ADAMTSL1: variants seen among roughly 807,000 people sequenced by gnomAD.
The protein encoded by ADAMTSL1 is ADAMTS-like protein 1.
ADAMTSL1 carries 126 observed loss-of-function variants against 201.8 expected under a neutral mutation model. That is an observed-to-expected ratio of 0.62 (90% confidence interval 0.54 to 0.72). ADAMTSL1 has a LOEUF of 0.72. Ranked by LOEUF, ADAMTSL1 falls within the 30% of genes least tolerant of loss-of-function variation. The pLI is 0.00. For synonymous variants in ADAMTSL1, 1,121 were observed against 903.4 expected (o/e 1.24, Z -4.32); for missense variants, 2,679 against 2,277.8 (o/e 1.18, Z -3.59).
chr9:18,369,646 G>T (rs1563917703), intron 2 of ADAMTSL1, among the ~76,000 whole-genome samples: 1 of 152,048 alleles, frequency 6.6e-6, no homozygotes, highest in African/African-American at 2.4e-5. Flanking sequence ...CAAAGGAAAA[G>T]AAATTATTGT....
intron 2 of ADAMTSL1, among the ~76,000 whole-genome samples, chr9:18,222,364 T>G (rs978163643): frequency 6.6e-6 from 1 of 151,796 alleles, no homozygotes; most frequent in African/African-American, 2.4e-5. Flanking sequence ...TGGTTTATTT[T>G]ATTTATTTAA....
intron 2 of ADAMTSL1, among the ~76,000 whole-genome samples, chr9:18,449,220 G>A (rs1401028108): frequency 6.6e-6 from 1 of 151,476 alleles, no homozygotes; most frequent in African/African-American, 2.4e-5. Flanking sequence ...AAATCACTTA[G>A]TAATTAATGA....
At chr9:18,684,958 GTGTT>G in intron 13 of ADAMTSL1, 158 bp downstream of exon 13, 1 of 1,393,126 alleles carries the variant, frequency 7.2e-7, no homozygotes. Context: ...GTTTCAAAAA[GTGTT>G]TGTCAAAGCT....
At chr9:18,308,583 TGAA>T (rs1833998530) in intron 2 of ADAMTSL1, among the ~76,000 whole-genome samples, 2 of 151,558 alleles carry the variant, frequency 1.3e-5, no homozygotes, top group Admixed American at 1.3e-4. Context: ...AACTGGAAAA[TGAA>T]GAAGAAATGG....
At chr9:18,655,403 T>C (rs1007903123) in intron 7 of ADAMTSL1, among the ~76,000 whole-genome samples, 2 of 152,200 alleles carry the variant, frequency 1.3e-5, no homozygotes, top group Non-Finnish European at 2.9e-5. Context: ...AAGAAGAGCT[T>C]GGTTCAAATA....
In ADAMTSL1 at chr9:18,287,205, C is replaced by A. The variant is rs564034973; in HGVS notation, c.207+123224C>A. 8.5e-5 allele frequency among the ~76,000 whole-genome samples: 13 copies of A among 152,218 alleles called. No individual in the cohort carries two copies. In the South Asian group the frequency reaches 2.5e-3, roughly 29 times the overall value. On this transcript the variant is annotated intron_variant, in intron 2 of 29. Coordinates refer to the ADAMTSL1 transcript ENST00000680146. ...AAAGGTGACAAGCCACCTACAAAGT[C>A]TTAAAGCTCTGCTTGAAGATAAAAC...
At chr9:18,687,903 T>C (rs1830933786) in intron 13 of ADAMTSL1, among the ~76,000 whole-genome samples, 1 of 152,134 alleles carries the variant, frequency 6.6e-6, no homozygotes, top group South Asian at 2.1e-4. Context: ...TAAATCCAGA[T>C]ATCAATTTCA....
At chr9:18,710,150 G>C (rs1832472046) in intron 14 of ADAMTSL1, among the ~76,000 whole-genome samples, 1 of 152,150 alleles carries the variant, frequency 6.6e-6, no homozygotes, top group Non-Finnish European at 1.5e-5. Context: ...CCCAGTTCCA[G>C]GGCGGCTCTG....
At chr9:18,035,175 AG>A (rs200950429) in intron 1 of ADAMTSL1, among the ~76,000 whole-genome samples, 3,459 of 152,352 alleles carry the variant, frequency 0.023, 48 homozygotes, top group Middle Eastern at 0.041. Flanking sequence ...GTGCATAAAG[AG>A]AGCTTTAAAA....
At chr9:18,535,648 A>C (rs1819721478) in intron 3 of ADAMTSL1, among the ~76,000 whole-genome samples, 1 of 152,222 alleles carries the variant, frequency 6.6e-6, no homozygotes, top group Non-Finnish European at 1.5e-5. Context: ...AATTTGGAAA[A>C]AAGAGATTTA....
chr9:18,103,978 C>T (rs911518628), intron 1 of ADAMTSL1, among the ~76,000 whole-genome samples: 3 of 152,124 alleles, frequency 2.0e-5, no homozygotes, highest in African/African-American at 7.2e-5. Flanking sequence ...GTGTCAAAAC[C>T]AGTTTGACAT....
At chr9:18,776,719 C>T in intron 18 of ADAMTSL1, 62 bp from the exon 19 acceptor site, 2 of 1,470,154 alleles carry the variant, frequency 1.4e-6, no homozygotes, top group Non-Finnish European at 1.8e-6. Flanking sequence ...GGCTGCATCT[C>T]ACTCTGGGTT....
intron 4 of ADAMTSL1, among the ~76,000 whole-genome samples, 198 bp from the exon 5 acceptor site, chr9:18,622,045 T>C (rs10963676): frequency 2.0e-5 from 3 of 152,076 alleles, no homozygotes; most frequent in African/African-American, 7.2e-5. Context: ...TATCTGAACT[T>C]TGAAAACATC....
At chr9:18,745,189 A>T (rs1819062159) in intron 15 of ADAMTSL1, among the ~76,000 whole-genome samples, 1 of 152,142 alleles carries the variant, frequency 6.6e-6, no homozygotes, top group Non-Finnish European at 1.5e-5. Flanking sequence ...TTGATTGATG[A>T]TTACTGCCTG....
At position 18,243,357 on chromosome 9, in the gene ADAMTSL1, A is replaced by G. The variant is rs528928247; in HGVS notation, c.207+79376A>G. Among the ~76,000 whole-genome samples, 6 of 152,170 alleles carry G rather than the reference A, an allele frequency of 3.9e-5. No homozygotes were observed. In the South Asian group the frequency reaches 6.2e-4, roughly 16 times the overall value. Reference sequence around the variant, plus strand: ...TATGCTCATTGATAGATGCTTAACAATCAGCTCACTCCATTACAGATGTGC... The same window carrying G: ...TATGCTCATTGATAGATGCTTAACAGTCAGCTCACTCCATTACAGATGTGC... On this transcript the variant is annotated intron_variant, in intron 2 of 29. Coordinates refer to the ADAMTSL1 transcript ENST00000680146.
At chr9:18,596,953 T>A (rs1006393714) in intron 4 of ADAMTSL1, among the ~76,000 whole-genome samples, 1 of 152,210 alleles carries the variant, frequency 6.6e-6, no homozygotes, top group African/African-American at 2.4e-5. Context: ...TTCATTTTCT[T>A]CTCTTAGCAC....
At chr9:18,598,628 A>G (rs1416033411) in intron 4 of ADAMTSL1, among the ~76,000 whole-genome samples, 5 of 152,104 alleles carry the variant, frequency 3.3e-5, no homozygotes, top group Non-Finnish European at 1.5e-5. Context: ...AAAAAAATCA[A>G]GTGGGAAACT....
intron 1 of ADAMTSL1, among the ~76,000 whole-genome samples, chr9:18,057,690 T>A (rs1356248061): frequency 6.6e-6 from 1 of 152,206 alleles, no homozygotes; most frequent in Non-Finnish European, 1.5e-5. Flanking sequence ...ACCACCCATG[T>A]TCTCTGGGCT....
intron 2 of ADAMTSL1, among the ~76,000 whole-genome samples, chr9:18,190,930 T>C (rs1828944167): frequency 6.6e-6 from 1 of 152,184 alleles, no homozygotes; most frequent in Admixed American, 6.5e-5. Flanking sequence ...TGAACCTACT[T>C]GTTTTCTTGT....
Sources: gnomAD v4.1 joint callset for allele counts (sites outside exome capture counted in the v4.1 genomes callset) on GRCh38, gnomAD v4.1.1 for gene constraint, MANE v1.5 for transcripts, NCBI Gene and HGNC (gene_info 2026-07-23, HGNC 2026-07-21) for gene names.